CDC14A: variants seen among roughly 807,000 people sequenced by gnomAD.
CDC14A encodes cell division cycle 14A, also known as dual specificity protein phosphatase CDC14A.
In CDC14A, 53 loss-of-function variants were observed where a neutral mutation model predicts 74.4. That is an observed-to-expected ratio of 0.71 (90% confidence interval 0.57 to 0.89). The LOEUF (loss-of-function observed/expected upper bound fraction) is 0.89. Among genes scored for constraint, CDC14A ranks in the 40% least tolerant of loss-of-function variants. The pLI, the probability that CDC14A is intolerant of heterozygous loss-of-function variation, is 0.00. For synonymous variants in CDC14A, 247 were observed against 258.4 expected (o/e 0.96, Z 0.43); for missense variants, 646 against 713.7 (o/e 0.91, Z 1.08).
At chr1:100,356,128 G>A (rs1463893148) in intron 2 of CDC14A, among the ~76,000 whole-genome samples, 1 of 152,180 alleles carries the variant, frequency 6.6e-6, no homozygotes, top group Non-Finnish European at 1.5e-5. Flanking sequence ...TGTAGGGGAT[G>A]GAGAATGTGA....
At chr1:100,416,012 T>G (rs1304377039) in intron 4 of CDC14A, among the ~76,000 whole-genome samples, 7 of 152,344 alleles carry the variant, frequency 4.6e-5, no homozygotes, top group Non-Finnish European at 1.0e-4. Context: ...TCACAATTAA[T>G]GCTGTCTTTA....
chr1:100,422,726 C>A (rs1662510313), intron 4 of CDC14A, among the ~76,000 whole-genome samples: 1 of 152,118 alleles, frequency 6.6e-6, no homozygotes, highest in African/African-American at 2.4e-5. Context: ...CTTTATCAGA[C>A]CTTCATGTTT....
intron 4 of CDC14A, among the ~76,000 whole-genome samples, chr1:100,414,319 GAAAAC>G (rs1377737563): frequency 6.6e-6 from 1 of 152,042 alleles, no homozygotes; most frequent in Non-Finnish European, 1.5e-5. Context: ...AACAACAACA[GAAAAC>G]AAAACAAAAC....
intron 2 of CDC14A, among the ~76,000 whole-genome samples, chr1:100,354,733 G>A (rs1028900829): frequency 1.3e-5 from 2 of 152,202 alleles, no homozygotes; most frequent in African/African-American, 2.4e-5. Flanking sequence ...TATTTTAAAC[G>A]TTTAAATTAC....
At chr1:100,427,190 T>C (rs1340963338) in intron 5 of CDC14A, among the ~76,000 whole-genome samples, 5 of 152,176 alleles carry the variant, frequency 3.3e-5, no homozygotes, top group Non-Finnish European at 2.9e-5. Flanking sequence ...TGTCTAGATT[T>C]TTTCAACTGC....
At chr1:100,441,489 G>A (rs1192232141) in intron 6 of CDC14A, among the ~76,000 whole-genome samples, 1 of 151,946 alleles carries the variant, frequency 6.6e-6, no homozygotes, top group Non-Finnish European at 1.5e-5. Flanking sequence ...TAATGTATTG[G>A]CATTGTCATA....
chr1:100,355,076 G>T (rs1332509580), intron 2 of CDC14A, among the ~76,000 whole-genome samples: 1 of 152,214 alleles, frequency 6.6e-6, no homozygotes, highest in East Asian at 1.9e-4. Flanking sequence ...GCCCAGAGTT[G>T]CTGAGGCAAA....
At chr1:100,420,082 A>ATATATATATATATAGTGT (rs58124351) in intron 4 of CDC14A, among the ~76,000 whole-genome samples, 29 of 105,534 alleles carry the variant, frequency 2.7e-4, no homozygotes, top group Non-Finnish European at 5.1e-4. Context: ...ATATATATAT[A>ATATATATATATATAGTGT]GTGTGTATGT....
At chr1:100,412,728 T>TATATATATATATATATATATATATATAAA (rs1557732405) in intron 4 of CDC14A, among the ~76,000 whole-genome samples, 23 of 98,156 alleles carry the variant, frequency 2.3e-4, no homozygotes, top group South Asian at 5.2e-4. Flanking sequence ...ATATATTTTA[T>TATATATATATATATATATATATATATAAA]ATATATATAT....
chr1:100,491,572 A>ATAT lies in CDC14A; in HGVS notation c.1138-3245_1138-3244insATT, dbSNP rs1418515078. Among the ~76,000 whole-genome samples, 79 of 25,112 alleles carry ATAT rather than the reference A, an allele frequency of 3.1e-3. 5 individuals carry two copies. The highest frequency in any genetic ancestry group is 6.1e-3 in the Admixed American group (10 of 1,638). 16.5% of individuals were successfully genotyped at this position (25,112 alleles called of 152,430 possible). ...TCTATATATATATATATATATATATATTTTTTTTTTTTTTTTTTTTTTTGA... is the reference window on the plus strand; with the variant it reads ...TCTATATATATATATATATATATATATATTTTTTTTTTTTTTTTTTTTTTTTGA... On this transcript the variant is annotated intron_variant, in intron 11 of 15. Coordinates refer to ENST00000336454, the MANE Select transcript of CDC14A (RefSeq NM_003672.4).
chr1:100,434,793 C>T (rs1236818789), intron 5 of CDC14A, among the ~76,000 whole-genome samples: 1 of 152,024 alleles, frequency 6.6e-6, no homozygotes. Flanking sequence ...GAGTTTGAGG[C>T]ATCTTTAAGA....
chr1:100,396,845 G>T (rs1165152293), intron 4 of CDC14A, among the ~76,000 whole-genome samples: 4 of 152,120 alleles, frequency 2.6e-5, no homozygotes, highest in African/African-American at 9.7e-5. Context: ...ATGACTTCAA[G>T]TATTTCACAG....
intron 2 of CDC14A, among the ~76,000 whole-genome samples, chr1:100,359,943 T>TA (rs1398556235): frequency 4.1e-5 from 6 of 145,612 alleles, no homozygotes; most frequent in Admixed American, 2.0e-4. Flanking sequence ...TTCACCTTCT[T>TA]CTTTTTTTTT....
At chr1:100,459,126 C>CACACACACACACAG (rs1279905046) in intron 8 of CDC14A, among the ~76,000 whole-genome samples, 3 of 144,686 alleles carry the variant, frequency 2.1e-5, no homozygotes, top group African/African-American at 7.8e-5. Flanking sequence ...CACACACACA[C>CACACACACACACAG]AGAGAGAGAG....
At chr1:100,435,900 G>A (rs1172132840) in intron 5 of CDC14A, among the ~76,000 whole-genome samples, 4 of 151,774 alleles carry the variant, frequency 2.6e-5, no homozygotes, top group Admixed American at 6.5e-5. Context: ...AGTCCAAACC[G>A]GGTGGAAGCT....
intron 2 of CDC14A, among the ~76,000 whole-genome samples, chr1:100,369,476 C>T (rs1449716513): frequency 6.6e-6 from 1 of 152,154 alleles, no homozygotes; most frequent in Non-Finnish European, 1.5e-5. Context: ...TGGTGTTTCT[C>T]TGATGATTAG....
chr1:100,369,722 A>G (rs1654172610), intron 2 of CDC14A, among the ~76,000 whole-genome samples: 1 of 151,988 alleles, frequency 6.6e-6, no homozygotes, highest in Non-Finnish European at 1.5e-5. Context: ...GAAGCTCTTT[A>G]GTTTAATTAG....
intron 1 of CDC14A, among the ~76,000 whole-genome samples, chr1:100,346,277 G>C (rs527636347): frequency 4.6e-5 from 7 of 152,274 alleles, no homozygotes; most frequent in African/African-American, 1.7e-4. Context: ...GGAGAAGAGT[G>C]GTGTGGGGAA....
intron 5 of CDC14A, among the ~76,000 whole-genome samples, chr1:100,435,638 G>A (rs746844568): frequency 8.6e-5 from 13 of 152,028 alleles, no homozygotes; most frequent in Non-Finnish European, 1.6e-4. Context: ...AGACCAGCCT[G>A]GCTGACATGG....
Sources: gnomAD v4.1 joint callset for allele counts (sites outside exome capture counted in the v4.1 genomes callset) on GRCh38, gnomAD v4.1.1 for gene constraint, MANE v1.5 for transcripts, NCBI Gene and HGNC (gene_info 2026-07-23, HGNC 2026-07-21) for gene names.